Variants in SPIN1 observed in about 807,000 individuals in gnomAD.
The protein encoded by SPIN1 is spindlin 1.
SPIN1 carries 3 observed loss-of-function variants against 26.0 expected under a neutral mutation model. The ratio of observed to expected loss-of-function variants is 0.12; its 90% CI spans 0.05 to 0.30. The LOEUF is 0.30. Ranked by LOEUF, SPIN1 falls within the 10% of genes least tolerant of loss-of-function variation. SPIN1 has a pLI of 1.00. For missense variants in SPIN1, 126 were observed against 333.4 expected (o/e 0.38, Z 4.84); for synonymous variants, 101 against 116.5 (o/e 0.87, Z 0.86).
At chr9:88,425,238 T>C (rs1190052388) in intron 1 of SPIN1, among the ~76,000 whole-genome samples, 1 of 152,020 alleles carries the variant, frequency 6.6e-6, no homozygotes, top group Non-Finnish European at 1.5e-5. Context: ...ATATGAGATT[T>C]GATGTGGCAG....
At chr9:88,473,150 T>C (rs1345036290) in intron 5 of SPIN1, among the ~76,000 whole-genome samples, 3 of 152,172 alleles carry the variant, frequency 2.0e-5, no homozygotes, top group Admixed American at 1.3e-4. Flanking sequence ...CCCAGCACTT[T>C]GGGAGGCCGA....
At chr9:88,423,417 A>G (rs553001552) in intron 1 of SPIN1, among the ~76,000 whole-genome samples, 2 of 151,350 alleles carry the variant, frequency 1.3e-5, no homozygotes, top group Non-Finnish European at 2.9e-5. Context: ...GAAATACTAC[A>G]TTATGGTTTG....
At chr9:88,453,125 CCCTTTG>C (rs561326135) in intron 3 of SPIN1, among the ~76,000 whole-genome samples, 54 of 152,154 alleles carry the variant, frequency 3.5e-4, no homozygotes, top group African/African-American at 1.2e-3. Flanking sequence ...CTTTCCCTTT[CCCTTTG>C]CTTTCCTTTT....
In SPIN1 at chr9:88,451,452, A is replaced by G. The variant is rs190368858; in HGVS notation, c.101+2463A>G. ...AAATAGAAGCAAGCTTTTTTTTCCT[A>G]TAGGCTGAGCACCTTGTGGTGTTTT... On this transcript the variant is annotated intron_variant, in intron 3 of 5. Transcript: ENST00000375859. 1.2e-3 allele frequency among the ~76,000 whole-genome samples: 186 copies of G among 152,284 alleles called. 1 individual carries two copies. Among genetic ancestry groups the G allele is most frequent in the African/African-American group, 4.3e-3 (177 of 41,572 alleles).
intron 1 of SPIN1, among the ~76,000 whole-genome samples, chr9:88,396,198 C>T (rs897528318): frequency 6.6e-6 from 1 of 151,394 alleles, no homozygotes; most frequent in Non-Finnish European, 1.5e-5. Flanking sequence ...GAGATCGCGC[C>T]ATTGCACTTC....
intron 3 of SPIN1, among the ~76,000 whole-genome samples, chr9:88,451,461 G>A (rs1828350596): frequency 1.3e-5 from 2 of 152,226 alleles, no homozygotes. Flanking sequence ...TATAGGCTGA[G>A]CACCTTGTGG....
chr9:88,459,315 C>T (rs1587812145), intron 3 of SPIN1, among the ~76,000 whole-genome samples: 2 of 152,048 alleles, frequency 1.3e-5, no homozygotes, highest in East Asian at 3.8e-4. Flanking sequence ...GAAATGTAAT[C>T]TCCTTCACCA....
chr9:88,392,507 T>C (rs758664216), intron 1 of SPIN1, among the ~76,000 whole-genome samples: 1 of 152,116 alleles, frequency 6.6e-6, no homozygotes, highest in Admixed American at 6.6e-5. Flanking sequence ...AACAGAGGCA[T>C]GAGAGGAGTT....
At chr9:88,390,747 A>G (rs1409952156) in intron 1 of SPIN1, among the ~76,000 whole-genome samples, 1 of 152,222 alleles carries the variant, frequency 6.6e-6, no homozygotes, top group African/African-American at 2.4e-5. Flanking sequence ...GGAGTTAGAC[A>G]TGGAATCACA....
intron 3 of SPIN1, among the ~76,000 whole-genome samples, chr9:88,449,455 A>G (rs1367406222): frequency 1.3e-5 from 2 of 152,146 alleles, no homozygotes; most frequent in Admixed American, 1.3e-4. Flanking sequence ...AATGAAGGAA[A>G]AGCTTATGAA....
chr9:88,447,835 A>G (rs1428813407), intron 2 of SPIN1, among the ~76,000 whole-genome samples: 4 of 151,988 alleles, frequency 2.6e-5, no homozygotes, highest in African/African-American at 9.7e-5. Context: ...ATTGCCCAAA[A>G]ATTGCTTCCA....
chr9:88,434,381 A>ATTCATT (rs1248882526), intron 2 of SPIN1, among the ~76,000 whole-genome samples: 20 of 123,788 alleles, frequency 1.6e-4, no homozygotes, highest in African/African-American at 7.1e-4. Flanking sequence ...TATTTTATAA[A>ATTCATT]TTATAAAATA....
intron 2 of SPIN1, among the ~76,000 whole-genome samples, chr9:88,446,123 A>G (rs1047831439): frequency 6.6e-6 from 1 of 152,042 alleles, no homozygotes; most frequent in Non-Finnish European, 1.5e-5. Context: ...TTTGTCTTTA[A>G]TTCTGTCAGT....
intron 1 of SPIN1, among the ~76,000 whole-genome samples, chr9:88,425,859 G>T (rs1251572118): frequency 1.3e-5 from 2 of 152,036 alleles, no homozygotes; most frequent in African/African-American, 4.8e-5. Flanking sequence ...CAAGACCCTG[G>T]CCTGCTGATC....
At chr9:88,466,556 A>T (rs1587815672) in intron 4 of SPIN1, among the ~76,000 whole-genome samples, 1 of 152,150 alleles carries the variant, frequency 6.6e-6, no homozygotes, top group African/African-American at 2.4e-5. Flanking sequence ...CACGGGGGGA[A>T]TTCTGTGTAA....
intron 1 of SPIN1, chr9:88,411,200 C>T: frequency 1.6e-6 from 2 of 1,253,358 alleles, no homozygotes; most frequent in African/African-American, 2.9e-5. Context: ...TGAGACAGCT[C>T]TCTTTGGTTC....
At chr9:88,427,411 A>G (rs1827783627) in intron 2 of SPIN1, among the ~76,000 whole-genome samples, 1 of 152,162 alleles carries the variant, frequency 6.6e-6, no homozygotes, top group South Asian at 2.1e-4. Context: ...TTATAAAGAT[A>G]ATACTCATTT....
At chr9:88,403,525 A>G (rs970129166) in intron 1 of SPIN1, among the ~76,000 whole-genome samples, 1 of 152,164 alleles carries the variant, frequency 6.6e-6, no homozygotes, top group Admixed American at 6.6e-5. Context: ...CCTGGGCAAC[A>G]TAGCAAGACC....
chr9:88,405,707 T>G, intron 1 of SPIN1, among the ~76,000 whole-genome samples: 1 of 151,962 alleles, frequency 6.6e-6, no homozygotes, highest in East Asian at 1.9e-4. Context: ...CTGCCCAGCC[T>G]GTACTATACT....
Sources: allele counts gnomAD v4.1 joint callset (sites outside exome capture counted in the v4.1 genomes callset), GRCh38; gene constraint gnomAD v4.1.1; transcripts MANE v1.5; gene names NCBI Gene and HGNC (gene_info 2026-07-23, HGNC 2026-07-21).